Variants in SGCD observed in about 807,000 individuals in gnomAD.
SGCD encodes sarcoglycan delta.
A neutral mutation model predicts 36.6 loss-of-function variants in SGCD; 18 were observed. The ratio of observed to expected loss-of-function variants is 0.49; its 90% CI spans 0.34 to 0.73. The LOEUF (loss-of-function observed/expected upper bound fraction) is 0.73, where lower values mean the gene tolerates loss of function less well. Among genes scored for constraint, SGCD ranks in the 30% least tolerant of loss-of-function variants. The pLI is 0.01. For synonymous variants in SGCD, 133 were observed against 130.6 expected (o/e 1.02, Z -0.12); for missense variants, 387 against 346.7 (o/e 1.12, Z -0.92).
At position 156,164,411 on chromosome 5, in the gene SGCD, C is replaced by G. The variant is rs140089826; in HGVS notation, c.-44+40392C>G. 4.1e-3 allele frequency among the ~76,000 whole-genome samples: 625 copies of G among 152,212 alleles called. 6 individuals carry two copies. The highest frequency in any genetic ancestry group is 6.8e-3 in the Middle Eastern group (2 of 294). ...TTTTTTCCCCTTTCTTTTCTCTCTG[C>G]CTTTTCAGCCTTGTTCCCCACTCCC... On this transcript the variant is annotated intron_variant, in intron 3 of 9. Coordinates refer to the SGCD transcript ENST00000517913.
chr5:156,386,715 C>T (rs958216288), intron 3 of SGCD, among the ~76,000 whole-genome samples: 1 of 152,236 alleles, frequency 6.6e-6, no homozygotes, highest in Non-Finnish European at 1.5e-5. Context: ...GGCTCCCTCA[C>T]TCTTTAGAGC....
chr5:156,514,438 A>G (rs1757073357), intron 4 of SGCD, among the ~76,000 whole-genome samples: 1 of 152,240 alleles, frequency 6.6e-6, no homozygotes, highest in African/African-American at 2.4e-5. Flanking sequence ...CCATTGCTGT[A>G]TTGAATTTAG....
chr5:155,885,809 A>G (rs1429625201), intron 1 of SGCD, among the ~76,000 whole-genome samples: 1 of 152,242 alleles, frequency 6.6e-6, no homozygotes, highest in Non-Finnish European at 1.5e-5. Flanking sequence ...AAACATGAAT[A>G]CACAGAAGAT....
rs530444306 is a variant in SGCD, at chr5:156,627,849, G to T, written c.503-19615G>T. Among the ~76,000 whole-genome samples, 5 of 152,226 alleles carry T rather than the reference G, an allele frequency of 3.3e-5. No homozygotes were observed. The South Asian group carries it at 1.0e-3, about 32-fold the overall frequency. Reference sequence around the variant, plus strand: ...TAAATTAAGCCTATATCACTGCTTGGTAATGTTTATAATCAAAATTTGTGA... The same window carrying T: ...TAAATTAAGCCTATATCACTGCTTGTTAATGTTTATAATCAAAATTTGTGA... On this transcript the variant is annotated intron_variant, in intron 6 of 8. Transcript: ENST00000337851.
At chr5:156,290,001 G>T (rs751339900) in intron 3 of SGCD, among the ~76,000 whole-genome samples, 10 of 152,086 alleles carry the variant, frequency 6.6e-5, no homozygotes, top group Non-Finnish European at 1.3e-4. Context: ...AATCTTATAG[G>T]CAGGGGCAAT....
chr5:155,950,095 AAG>A (rs1581007853), intron 1 of SGCD, among the ~76,000 whole-genome samples: 1 of 152,304 alleles, frequency 6.6e-6, no homozygotes, highest in East Asian at 1.9e-4. Flanking sequence ...TGTTTGCAAA[AAG>A]AGAATCTATT....
chr5:156,695,114 G>GTC (rs780923331), intron 7 of SGCD, among the ~76,000 whole-genome samples: 17 of 98,614 alleles, frequency 1.7e-4, no homozygotes, highest in African/African-American at 5.7e-4. Context: ...TACTGTGTTT[G>GTC]TGTGTGTGTG....
At chr5:156,694,866 G>A (rs1754246313) in intron 7 of SGCD, among the ~76,000 whole-genome samples, 1 of 151,994 alleles carries the variant, frequency 6.6e-6, no homozygotes, top group Non-Finnish European at 1.5e-5. Context: ...TTTCATGCTG[G>A]TGCTACACCA....
In SGCD at chr5:156,449,677, C is replaced by CAAA. The variant is rs397883573; in HGVS notation, c.193-58901_193-58899dup. 7.2e-3 allele frequency among the ~76,000 whole-genome samples: 332 copies of CAAA among 46,044 alleles called. 12 individuals carry two copies. The highest frequency in any genetic ancestry group is 0.02 in the African/African-American group (236 of 11,562). 30.2% of individuals were successfully genotyped at this position (46,044 alleles called of 152,430 possible). A position where few individuals can be genotyped will look rare whatever the true frequency, so the allele number is the denominator to read the frequency against. On this transcript the variant is annotated intron_variant, in intron 3 of 8. Transcript: ENST00000337851. The stretch of plus-strand genomic sequence containing the variant: ...TGAAACTCCGTCTCTACTAAAAATA[C>CAAA]AAAAAAAAAAAAAAAAAAAAAAAAA...
intron 3 of SGCD, among the ~76,000 whole-genome samples, chr5:156,420,846 T>C (rs144886417): frequency 6.6e-6 from 1 of 152,300 alleles, no homozygotes; most frequent in Non-Finnish European, 1.5e-5. Flanking sequence ...TTGGATGTTA[T>C]GATTCTGAAA....
chr5:156,084,633 C>T (rs370405368), intron 1 of SGCD, among the ~76,000 whole-genome samples: 10 of 152,084 alleles, frequency 6.6e-5, no homozygotes, highest in Admixed American at 2.6e-4. Flanking sequence ...ACAGTGAAGT[C>T]CTCTGTAAAT....
intron 1 of SGCD, among the ~76,000 whole-genome samples, chr5:155,986,141 C>T (rs1758324852): frequency 6.6e-6 from 1 of 152,100 alleles, no homozygotes; most frequent in Non-Finnish European, 1.5e-5. Flanking sequence ...TTTCCTGTAT[C>T]CTATGACCAA....
intron 6 of SGCD, among the ~76,000 whole-genome samples, chr5:156,626,657 C>T (rs929845090): frequency 6.6e-6 from 1 of 152,142 alleles, no homozygotes; most frequent in Non-Finnish European, 1.5e-5. Context: ...TTTATGTAAT[C>T]TTATAGTTGA....
At chr5:156,199,628 T>A (rs905327532) in intron 3 of SGCD, among the ~76,000 whole-genome samples, 3 of 152,090 alleles carry the variant, frequency 2.0e-5, no homozygotes, top group African/African-American at 7.2e-5. Context: ...GCAAACTACT[T>A]CTTCTTGCCT....
At chr5:156,671,852 T>C (rs1237085328) in intron 7 of SGCD, among the ~76,000 whole-genome samples, 2 of 152,102 alleles carry the variant, frequency 1.3e-5, no homozygotes, top group Non-Finnish European at 2.9e-5. Context: ...AGCTTTTACC[T>C]GTGGCAGAAG....
chr5:155,887,082 G>C (rs1319927699), intron 1 of SGCD, among the ~76,000 whole-genome samples: 2 of 152,170 alleles, frequency 1.3e-5, no homozygotes, highest in Non-Finnish European at 2.9e-5. Context: ...CTAGGACTCT[G>C]ACCGTGTATC....
chr5:156,386,446 C>T (rs1342307645), intron 3 of SGCD, among the ~76,000 whole-genome samples: 1 of 152,220 alleles, frequency 6.6e-6, no homozygotes, highest in East Asian at 1.9e-4. Context: ...TTATAATCAT[C>T]GTCTGCATTA....
chr5:155,964,906 T>A (rs972065557), intron 1 of SGCD, among the ~76,000 whole-genome samples: 1 of 152,142 alleles, frequency 6.6e-6, no homozygotes, highest in Non-Finnish European at 1.5e-5. Context: ...CAGCTATTTG[T>A]ACAAATGAAT....
chr5:156,114,349 C>T (rs1034019557), intron 1 of SGCD, among the ~76,000 whole-genome samples: 6 of 152,072 alleles, frequency 3.9e-5, no homozygotes, highest in African/African-American at 1.4e-4. Flanking sequence ...ACGTAGCCCC[C>T]TCCTCTCCAT....
Sources: allele counts gnomAD v4.1 joint callset (sites outside exome capture counted in the v4.1 genomes callset), GRCh38; gene constraint gnomAD v4.1.1; transcripts MANE v1.5; gene names NCBI Gene and HGNC (gene_info 2026-07-23, HGNC 2026-07-21).